Variants in SP4 observed in about 807,000 individuals in gnomAD.
SP4 encodes Sp4 transcription factor, also known as transcription factor Sp4.
Under a neutral mutation model 72.8 loss-of-function variants are expected in SP4, and 19 were observed. The observed-to-expected ratio is 0.26, with a 90% CI of 0.18 to 0.38. The LOEUF (loss-of-function observed/expected upper bound fraction) is 0.38. Among genes scored for constraint, SP4 ranks in the 10% least tolerant of loss-of-function variants. The pLI, the probability that SP4 is intolerant of heterozygous loss-of-function variation, is 1.00. For synonymous variants in SP4, 395 were observed against 333.1 expected (o/e 1.19, Z -2.02); for missense variants, 1,008 against 926.3 (o/e 1.09, Z -1.14).
chr7:21,508,963 C>G (rs181526815), intron 5 of SP4, among the ~76,000 whole-genome samples: 3 of 151,796 alleles, frequency 2.0e-5, no homozygotes. Context: ...AATCTGGCCA[C>G]GACAAATTTA....
At chr7:21,487,903 C>T (rs1189235085) in intron 5 of SP4, among the ~76,000 whole-genome samples, 2 of 151,990 alleles carry the variant, frequency 1.3e-5, no homozygotes, top group East Asian at 1.9e-4. Flanking sequence ...TGTCTGTCAC[C>T]AGGCTGGAGT....
intron 3 of SP4, among the ~76,000 whole-genome samples, chr7:21,435,550 T>C (rs1268344239): frequency 2.0e-5 from 3 of 152,228 alleles, no homozygotes; most frequent in Non-Finnish European, 4.4e-5. Flanking sequence ...CTTTGCCATA[T>C]ATGTTTTATT....
At chr7:21,482,237 T>C (rs765354300) in intron 5 of SP4, 114 bp downstream of exon 5, 43 of 755,820 alleles carry the variant, frequency 5.7e-5, no homozygotes, top group Admixed American at 1.6e-4. Flanking sequence ...AGAAGGCATT[T>C]ACTTTAGCAA....
In SP4 at chr7:21,429,316, C is replaced by G. The variant is rs1303596617; in HGVS notation, c.151C>G (p.Leu51Val). ...CTCTCAGCCCTCTCCTCTGGCTTTA[C>G]TGGCAGCTACTTGCAGCAAAATAGG... is the stretch of plus-strand genomic sequence containing the variant. ...QDSQPSPLAL[L>V]AATCSKIGTP... Residue 51 changes from leucine to valine, a missense_variant, in exon 3 of 6, where the codon CTG becomes GTG. Transcript: ENST00000222584. 6.3e-7 allele frequency: 1 copy of G among 1,597,038 alleles called. No individual in the cohort carries two copies. The highest frequency in any genetic ancestry group is 8.5e-7 in the Non-Finnish European group (1 of 1,169,848).
At chr7:21,435,401 C>T (rs1229476263) in intron 3 of SP4, among the ~76,000 whole-genome samples, 4 of 151,798 alleles carry the variant, frequency 2.6e-5, no homozygotes, top group Admixed American at 2.6e-4. Context: ...AAAATAGGTA[C>T]CAAAGAAAAT....
chr7:21,466,305 C>T (rs1183788035), intron 3 of SP4, among the ~76,000 whole-genome samples: 1 of 152,142 alleles, frequency 6.6e-6, no homozygotes, highest in East Asian at 1.9e-4. Flanking sequence ...AGTGCTAGGA[C>T]TTAAGGAAAT....
intron 3 of SP4, among the ~76,000 whole-genome samples, chr7:21,440,526 G>A (rs921477574): frequency 1.3e-5 from 2 of 152,110 alleles, no homozygotes; most frequent in African/African-American, 4.8e-5. Flanking sequence ...GAGGTGAGGT[G>A]TATGGAGAGA....
chr7:21,453,274 C>T (rs1156296716), intron 3 of SP4, among the ~76,000 whole-genome samples: 1 of 151,984 alleles, frequency 6.6e-6, no homozygotes, highest in Non-Finnish European at 1.5e-5. Flanking sequence ...AGGTTTTTTT[C>T]TTTATCCTAT....
At chr7:21,479,283 A>G (rs1784608513) in intron 4 of SP4, among the ~76,000 whole-genome samples, 2 of 150,366 alleles carry the variant, frequency 1.3e-5, no homozygotes, top group African/African-American at 4.9e-5. Context: ...TTTTAAGATA[A>G]TTTTATAGTT....
chr7:21,509,457 A>G lies in SP4; in HGVS notation c.2108-1565A>G, dbSNP rs191376550. Among the ~76,000 whole-genome samples, 32 of 128,328 alleles carry G rather than the reference A, an allele frequency of 2.5e-4. No individual in the cohort carries two copies. In the East Asian group the frequency reaches 7.6e-3, roughly 30 times the overall value. The allele number at this position is 128,328 out of a possible 152,430, so 84.2% of individuals were successfully genotyped here. ...TTAAAGTACCTTCAAACTCTAGGTT[A>G]TAGAAATATTTTCCTTTTTTTTTAA... On this transcript the variant is annotated intron_variant, in intron 5 of 5. Coordinates refer to ENST00000222584, the MANE Select transcript of SP4 (RefSeq NM_003112.5).
rs530064013 is a variant in SP4, at chr7:21,503,667, C to T, written c.2108-7355C>T. On this transcript the variant is annotated intron_variant, in intron 5 of 5. Coordinates refer to ENST00000222584, the MANE Select transcript of SP4 (RefSeq NM_003112.5). Reference sequence around the variant, plus strand: ...GTGGCTGTTGGAAGGGGAAAGGCTTCTACCCAGCCTGAAAGGTAATCTACC... The same window carrying T: ...GTGGCTGTTGGAAGGGGAAAGGCTTTTACCCAGCCTGAAAGGTAATCTACC... 2.2e-4 allele frequency among the ~76,000 whole-genome samples: 33 copies of T among 152,320 alleles called. No homozygotes were observed. The South Asian group carries it at 5.4e-3, about 25-fold the overall frequency.
intron 3 of SP4, among the ~76,000 whole-genome samples, chr7:21,438,728 A>T (rs751653239): frequency 3.9e-5 from 6 of 152,244 alleles, no homozygotes; most frequent in Non-Finnish European, 8.8e-5. Flanking sequence ...GTTTTAAATT[A>T]CATGCCTTTC....
Position 21,502,045 on chromosome 7 carries a change from C to CCT in SP4, c.2108-8976_2108-8975insTC, listed in dbSNP as rs1554301410. Among the ~76,000 whole-genome samples, 3 of 111,382 alleles carry CCT rather than the reference C, an allele frequency of 2.7e-5. 1 individual carries two copies. The East Asian group carries it at 1.5e-3, about 55-fold the overall frequency. The allele number at this position is 111,382 out of a possible 152,430, so 73.1% of individuals were successfully genotyped here. A position where few individuals can be genotyped will look rare whatever the true frequency, so the allele number is the denominator to read the frequency against. ...GGGCCTTAAATTCATTAGGCACCCC[C>CCT]CCCCCCCCGGAACTCCTATAGAGTT... On this transcript the variant is annotated intron_variant, in intron 5 of 5. Coordinates refer to ENST00000222584, the MANE Select transcript of SP4 (RefSeq NM_003112.5).
At chr7:21,508,006 T>A (rs1782046819) in intron 5 of SP4, among the ~76,000 whole-genome samples, 1 of 152,052 alleles carries the variant, frequency 6.6e-6, no homozygotes, top group African/African-American at 2.4e-5. Flanking sequence ...CAGTCCAATT[T>A]TCCTCCCTTG....
rs1782186295 is a variant in SP4, at chr7:21,512,930, A to G, written c.*1661A>G. The G allele has an allele frequency of 6.6e-6, 1 of 152,610 alleles. No homozygotes were observed. The allele number at this position is 152,610 out of a possible 1,614,324, so 9.5% of individuals were successfully genotyped here. The stretch of plus-strand genomic sequence containing the variant: ...GAAAAAAATTGGATTATAAACCAGT[A>G]ACTTAAATATTAATAAGGATATTTT... On this transcript the variant is annotated 3_prime_UTR_variant, in exon 6 of 6. Transcript: ENST00000222584.
intron 3 of SP4, among the ~76,000 whole-genome samples, chr7:21,444,219 G>A (rs1783350313): frequency 6.6e-6 from 1 of 152,142 alleles, no homozygotes; most frequent in Non-Finnish European, 1.5e-5. Context: ...TGAATAACAT[G>A]GGACTGAACT....
At chr7:21,466,115 A>G (rs1191371233) in intron 3 of SP4, among the ~76,000 whole-genome samples, 2 of 152,080 alleles carry the variant, frequency 1.3e-5, no homozygotes, top group South Asian at 2.1e-4. Context: ...TAGGCATTTT[A>G]TGCACATTTT....
chr7:21,494,806 A>G (rs533253375), intron 5 of SP4, among the ~76,000 whole-genome samples: 9 of 152,330 alleles, frequency 5.9e-5, no homozygotes, highest in Admixed American at 4.6e-4. Context: ...CAAAGCAATT[A>G]GAATAGCCAA....
intron 5 of SP4, among the ~76,000 whole-genome samples, chr7:21,489,503 T>TA (rs1784913051): frequency 6.6e-6 from 1 of 150,970 alleles, no homozygotes; most frequent in Non-Finnish European, 1.5e-5. Context: ...TTTTTTTTTT[T>TA]AAAGGTGGGT....
Sources: allele counts gnomAD v4.1 joint callset (sites outside exome capture counted in the v4.1 genomes callset), GRCh38; gene constraint gnomAD v4.1.1; transcripts MANE v1.5; gene names NCBI Gene and HGNC (gene_info 2026-07-23, HGNC 2026-07-21).